CCND3: variants seen among roughly 807,000 people sequenced by gnomAD.
CCND3 encodes G1/S-specific cyclin-D3.
Under a neutral mutation model 28.7 loss-of-function variants are expected in CCND3, and 9 were observed. The observed-to-expected ratio is 0.31, with a 90% CI of 0.19 to 0.55. CCND3 has a LOEUF of 0.55. Among genes scored for constraint, CCND3 ranks in the 20% least tolerant of loss-of-function variants. The probability of loss-of-function intolerance (pLI) is 0.93; values close to 1 mark genes in which losing one functional copy is unlikely to be tolerated. For missense variants in CCND3, 315 were observed against 385.8 expected, an observed-to-expected ratio of 0.82 and a Z score of 1.54; for synonymous variants, 164 against 163.9, an observed-to-expected ratio of 1.00 and a Z score of 0.00.
intron 1 of CCND3, among the ~76,000 whole-genome samples, chr6:42,002,245 A>G (rs755655452): frequency 2.0e-5 from 3 of 152,052 alleles, no homozygotes; most frequent in Non-Finnish European, 4.4e-5. Context: ...CAGAAGTTCG[A>G]GACCAGCCTG....
intron 1 of CCND3, among the ~76,000 whole-genome samples, chr6:42,022,918 C>T (rs2127433723): frequency 6.6e-6 from 1 of 152,320 alleles, no homozygotes; most frequent in South Asian, 2.1e-4. Context: ...CATGCTGGGC[C>T]AGGCAGTAGA....
chr6:41,951,562 ACACACAC>A (rs1776314135), intron 1 of CCND3, among the ~76,000 whole-genome samples: 4 of 89,058 alleles, frequency 4.5e-5, no homozygotes, highest in South Asian at 5.5e-4. Flanking sequence ...ACACACACAC[ACACACAC>A]ACACACAAAA....
intron 1 of CCND3, among the ~76,000 whole-genome samples, chr6:41,986,873 T>C (rs78019028): frequency 0.024 from 3,693 of 152,174 alleles, 93 homozygotes; most frequent in South Asian, 0.069. Context: ...ATTTTCACTT[T>C]GGAAATGTTC....
upstream of CCND3, among the ~76,000 whole-genome samples, chr6:41,943,157 C>T (rs1419030314): frequency 6.6e-6 from 1 of 151,700 alleles, no homozygotes; most frequent in African/African-American, 2.4e-5. Flanking sequence ...CCACCGTTCC[C>T]GGCCGAATTA....
chr6:41,940,056 G>A (rs1775940994), intron 2 of CCND3, among the ~76,000 whole-genome samples: 1 of 152,146 alleles, frequency 6.6e-6, no homozygotes, highest in Admixed American at 6.5e-5. Context: ...AAACCCAGAG[G>A]CAAAGTACTA....
At chr6:41,995,320 C>T (rs577424075) in intron 1 of CCND3, among the ~76,000 whole-genome samples, 2 of 152,084 alleles carry the variant, frequency 1.3e-5, no homozygotes, top group East Asian at 2.0e-4. Context: ...TGCAGTGGTG[C>T]GATCTCAGCG....
intron 1 of CCND3, among the ~76,000 whole-genome samples, chr6:41,949,588 G>C (rs1364526028): frequency 6.6e-6 from 1 of 151,638 alleles, no homozygotes; most frequent in East Asian, 1.9e-4. Context: ...GCGAGACTCC[G>C]TCTCAAAACA....
chr6:42,033,131 GGTAA>G (rs1226262406), intron 1 of CCND3, among the ~76,000 whole-genome samples: 1 of 152,090 alleles, frequency 6.6e-6, no homozygotes, highest in Non-Finnish European at 1.5e-5. Flanking sequence ...CTGTGGCCAG[GGTAA>G]GTATTGTTCA....
At chr6:41,977,665 C>A (rs1321888378) in intron 1 of CCND3, among the ~76,000 whole-genome samples, 1 of 152,058 alleles carries the variant, frequency 6.6e-6, no homozygotes, top group Non-Finnish European at 1.5e-5. Context: ...CCATGCCCAG[C>A]CAACTGTACT....
At chr6:42,018,592 A>G (rs1763600607) in intron 1 of CCND3, 1 of 152,106 alleles carries the variant, frequency 6.6e-6, no homozygotes, top group South Asian at 2.1e-4. Context: ...CTGACACAAA[A>G]TTGAAAAAGC....
chr6:41,991,529 A>G (rs1416412502), intron 1 of CCND3, among the ~76,000 whole-genome samples: 2 of 152,246 alleles, frequency 1.3e-5, no homozygotes, highest in Non-Finnish European at 1.5e-5. Context: ...TTCAATACAT[A>G]TAGTGTACAG....
chr6:41,994,794 C>T (rs957949604), intron 1 of CCND3, among the ~76,000 whole-genome samples: 8 of 152,064 alleles, frequency 5.3e-5, no homozygotes, highest in African/African-American at 1.9e-4. Context: ...AAAATATAGG[C>T]CGGGCGCGGT....
At chr6:41,962,960 C>A (rs1425638907) in intron 1 of CCND3, among the ~76,000 whole-genome samples, 1 of 152,106 alleles carries the variant, frequency 6.6e-6, no homozygotes, top group Non-Finnish European at 1.5e-5. Context: ...ACCATGTTGG[C>A]CAGGATGGTC....
At chr6:41,970,910 C>A (rs1476822109) in intron 1 of CCND3, among the ~76,000 whole-genome samples, 1 of 147,818 alleles carries the variant, frequency 6.8e-6, no homozygotes, top group Non-Finnish European at 1.5e-5. Context: ...AAACTTGCTC[C>A]AGTTTCTTTT....
At chr6:42,004,559 T>C (rs915473574) in intron 1 of CCND3, among the ~76,000 whole-genome samples, 1 of 152,044 alleles carries the variant, frequency 6.6e-6, no homozygotes, top group Non-Finnish European at 1.5e-5. Flanking sequence ...GGTGAAATGC[T>C]GTCTTTACTA....
In CCND3 at chr6:41,941,508, C is replaced by A; in HGVS notation, c.142G>T (p.Val48Leu). 1 of 1,608,178 alleles carries A rather than the reference C, an allele frequency of 6.2e-7. No individual in the cohort carries two copies. Among genetic ancestry groups the A allele is most frequent in the Non-Finnish European group, 8.5e-7 (1 of 1,178,760 alleles). Residue 48 changes from valine to leucine, a missense_variant, in exon 1 of 5, where the codon GTG becomes TTG. By Grantham distance (32) the Val-to-Leu change is conservative (BLOSUM62 1). Coordinates refer to ENST00000372991, the MANE Select transcript of CCND3 (RefSeq NM_001760.5). This position sits in a 1 kb window ranked among gnomAD's most constrained non-coding sequence, Gnocchi z 6.1. ...ATGTGCGGCTTGATCTCCCGCTGCA[C>A]GCACTGGAAGTAGGAGGCGCGGGGT... ...YVPRASYFQC[V>L]QREIKPHMRK...
At chr6:42,039,108 A>G (rs1268867609) in intron 1 of CCND3, among the ~76,000 whole-genome samples, 1 of 152,236 alleles carries the variant, frequency 6.6e-6, no homozygotes, top group Non-Finnish European at 1.5e-5. Context: ...ATGCTTAACC[A>G]AAGACCAGAG....
intron 1 of CCND3, among the ~76,000 whole-genome samples, chr6:41,952,529 G>A (rs576940597): frequency 2.7e-4 from 41 of 152,356 alleles, no homozygotes; most frequent in African/African-American, 9.4e-4. Flanking sequence ...GCTTGGGGAT[G>A]GAGGAGGAGT....
chr6:41,996,138 ATTT>A (rs35969401), intron 1 of CCND3, among the ~76,000 whole-genome samples: 7 of 102,432 alleles, frequency 6.8e-5, no homozygotes, highest in African/African-American at 1.8e-4. Context: ...ATATATATAT[ATTT>A]TTTTTGTTTG....
Sources: allele counts gnomAD v4.1 joint callset (sites outside exome capture counted in the v4.1 genomes callset), GRCh38; gene constraint gnomAD v4.1.1; non-coding constraint Gnocchi (gnomAD v3.1); transcripts MANE v1.5; gene names NCBI Gene and HGNC (gene_info 2026-07-23, HGNC 2026-07-21).